The following DLG2 variants were observed in gnomAD, a reference collection of about 807,000 sequenced individuals.
DLG2 encodes the protein disks large homolog 2.
A neutral mutation model predicts 132.5 loss-of-function variants in DLG2; 45 were observed. The observed-to-expected ratio is 0.34, with a 90% CI of 0.27 to 0.44. The LOEUF is 0.44. DLG2 is among the 20% of genes least tolerant of loss of function. The pLI is 1.00. For missense variants in DLG2, 1,045 were observed against 1,196.9 expected, an observed-to-expected ratio of 0.87 and a Z score of 1.87; for synonymous variants, 424 against 419.6, an observed-to-expected ratio of 1.01 and a Z score of -0.13.
chr11:83,803,409 A>C (rs576643722), intron 17 of DLG2, among the ~76,000 whole-genome samples: 15 of 152,270 alleles, frequency 9.9e-5, no homozygotes, highest in African/African-American at 3.4e-4. Context: ...ACCGTGGCAC[A>C]ATCAGGCATA....
At chr11:84,959,283 T>C (rs898931188) in intron 6 of DLG2, among the ~76,000 whole-genome samples, 2 of 152,206 alleles carry the variant, frequency 1.3e-5, no homozygotes, top group Non-Finnish European at 2.9e-5. Flanking sequence ...TATATAACAT[T>C]AAAATTCTCC....
At chr11:84,980,812 A>T (rs78622282) in intron 6 of DLG2, among the ~76,000 whole-genome samples, 1,630 of 152,218 alleles carry the variant, frequency 0.011, 39 homozygotes, top group African/African-American at 0.037. Context: ...ATTAATTTTT[A>T]TTCTAGTTAT....
intron 8 of DLG2, among the ~76,000 whole-genome samples, chr11:84,228,000 G>A (rs1566992386): frequency 6.6e-6 from 1 of 151,622 alleles, no homozygotes; most frequent in Non-Finnish European, 1.5e-5. Context: ...TTGGATCTAT[G>A]GTGGAATGTT....
At position 84,600,249 on chromosome 11, in the gene DLG2, A is replaced by AAGCAAGCC. The variant is rs1044263621; in HGVS notation, c.358-65519_358-65518insGGCTTGCT. 7.9e-5 allele frequency among the ~76,000 whole-genome samples: 12 copies of AAGCAAGCC among 152,092 alleles called. No homozygotes were observed. The East Asian group carries it at 1.5e-3, about 20-fold the overall frequency. ...GAGAAAGAAAGACAGAAAAGCAAGCAAGCAAGCAGGCAGGCAGGCGGCAGG... is the reference window on the plus strand; with the variant it reads ...GAGAAAGAAAGACAGAAAAGCAAGCAAGCAAGCCAGCAAGCAGGCAGGCAGGCGGCAGG... On this transcript the variant is annotated intron_variant, in intron 6 of 27. Coordinates refer to ENST00000376104, the MANE Select transcript of DLG2 (RefSeq NM_001142699.3).
At chr11:84,031,763 T>C (rs1359478532) in intron 11 of DLG2, among the ~76,000 whole-genome samples, 2 of 152,206 alleles carry the variant, frequency 1.3e-5, no homozygotes, top group East Asian at 3.8e-4. Context: ...TTTAGTATAC[T>C]TCACAGATAC....
chr11:85,511,922 G>A lies in DLG2; in HGVS notation c.40+86735C>T, dbSNP rs533573663. On this transcript the variant is annotated intron_variant, in intron 3 of 27. Coordinates refer to ENST00000376104, the MANE Select transcript of DLG2 (RefSeq NM_001142699.3). ...CTAATTTCTTGTTTTTTGCAGAGAC[G>A]GGGTCTTAGTATGTTGCCCAGGCTG... Among the ~76,000 whole-genome samples the A allele has an allele frequency of 1.1e-4, 17 of 151,708 alleles. 1 individual carries two copies. The highest frequency in any genetic ancestry group is 3.6e-4 in the African/African-American group (15 of 41,376).
intron 7 of DLG2, among the ~76,000 whole-genome samples, chr11:84,395,289 T>C (rs1567518021): frequency 1.3e-5 from 2 of 152,214 alleles, no homozygotes; most frequent in African/African-American, 2.4e-5. Context: ...ACAATTCCAA[T>C]ATGAAGTCTT....
At chr11:84,310,807 A>G (rs1462473207) in intron 7 of DLG2, among the ~76,000 whole-genome samples, 1 of 152,204 alleles carries the variant, frequency 6.6e-6, no homozygotes, top group East Asian at 1.9e-4. Context: ...AACTGAGCCT[A>G]AGATTTCATC....
intron 6 of DLG2, among the ~76,000 whole-genome samples, chr11:84,758,687 C>A (rs1329831968): frequency 6.6e-6 from 1 of 152,048 alleles, no homozygotes; most frequent in Non-Finnish European, 1.5e-5. Context: ...AAAACGTTTT[C>A]ATGTTCTGAT....
intron 7 of DLG2, among the ~76,000 whole-genome samples, chr11:84,496,700 A>G (rs1033283530): frequency 6.6e-6 from 1 of 152,128 alleles, no homozygotes; most frequent in African/African-American, 2.4e-5. Flanking sequence ...AATCCTTAAA[A>G]TTTATTTAGT....
chr11:84,796,660 G>A (rs977843721), intron 6 of DLG2, among the ~76,000 whole-genome samples: 13 of 131,878 alleles, frequency 9.9e-5, no homozygotes, highest in Non-Finnish European at 1.8e-4. Flanking sequence ...ATATTTTTGC[G>A]GATAAACTAT....
intron 9 of DLG2, among the ~76,000 whole-genome samples, chr11:84,143,388 T>C (rs2094937925): frequency 6.6e-6 from 1 of 152,158 alleles, no homozygotes; most frequent in Admixed American, 6.6e-5. Flanking sequence ...TAAATCTGAT[T>C]GGTAATATTG....
chr11:84,836,181 T>C (rs1005500285), intron 6 of DLG2, among the ~76,000 whole-genome samples: 1 of 151,802 alleles, frequency 6.6e-6, no homozygotes, highest in South Asian at 2.1e-4. Flanking sequence ...AATTGTACAA[T>C]AGGGTCTGAA....
At chr11:83,672,946 T>C (rs552653810) in intron 18 of DLG2, among the ~76,000 whole-genome samples, 206 of 152,098 alleles carry the variant, frequency 1.4e-3, no homozygotes, top group African/African-American at 4.4e-3. Context: ...CCTGTAGTCC[T>C]AGCTACTCGG....
chr11:83,836,344 C>T (rs745531236), intron 16 of DLG2, among the ~76,000 whole-genome samples: 16 of 152,142 alleles, frequency 1.1e-4, no homozygotes, highest in South Asian at 2.1e-4. Flanking sequence ...CAAGCTGATA[C>T]ATGAAATTAA....
At chr11:84,260,883 G>A (rs1360307109) in intron 7 of DLG2, among the ~76,000 whole-genome samples, 1 of 152,120 alleles carries the variant, frequency 6.6e-6, no homozygotes, top group East Asian at 1.9e-4. Context: ...TTATGCAAAT[G>A]ATTTCTGAAG....
chr11:84,929,170 A>C (rs1481321023), intron 6 of DLG2, among the ~76,000 whole-genome samples: 1 of 150,972 alleles, frequency 6.6e-6, no homozygotes, highest in Non-Finnish European at 1.5e-5. Context: ...CACAGTGATT[A>C]AGCAAATTAT....
chr11:85,273,611 G>A (rs1469056246), intron 4 of DLG2, among the ~76,000 whole-genome samples: 1 of 152,176 alleles, frequency 6.6e-6, no homozygotes, highest in African/African-American at 2.4e-5. Context: ...AACAACAGAT[G>A]CTGGAGAGGA....
chr11:84,130,085 C>A (rs2094352192), intron 9 of DLG2, among the ~76,000 whole-genome samples: 1 of 151,936 alleles, frequency 6.6e-6, no homozygotes, highest in African/African-American at 2.4e-5. Flanking sequence ...AAAAGGTATT[C>A]TTGAGATAGC....
Sources: gnomAD v4.1 joint callset for allele counts (sites outside exome capture counted in the v4.1 genomes callset) on GRCh38, gnomAD v4.1.1 for gene constraint, MANE v1.5 for transcripts, NCBI Gene and HGNC (gene_info 2026-07-23, HGNC 2026-07-21) for gene names.